The following CD274 variants were observed in gnomAD, a reference collection of about 807,000 sequenced individuals.
The protein encoded by CD274 is CD274 molecule.
Under a neutral mutation model 30.1 loss-of-function variants are expected in CD274, and 8 were observed. The observed-to-expected ratio is 0.27, with a 90% confidence interval of 0.16 to 0.48. The LOEUF (loss-of-function observed/expected upper bound fraction) is 0.48. CD274 is among the 20% of genes least tolerant of loss of function. The probability of loss-of-function intolerance (pLI) is 0.99; values close to 1 mark genes in which losing one functional copy is unlikely to be tolerated. For synonymous variants in CD274, 152 were observed against 124.6 expected, an observed-to-expected ratio of 1.22 and a Z score of -1.46; for missense variants, 353 against 346.6, an observed-to-expected ratio of 1.02 and a Z score of -0.15.
chr9:5,466,649 A>T (rs1819501755), intron 5 of CD274, 121 bp from the exon 6 acceptor site: 1 of 695,954 alleles, frequency 1.4e-6, no homozygotes. Flanking sequence ...TGGAATAAGG[A>T]TGTCCACCAG....
chr9:5,454,155 T>G (rs1181247471), intron 1 of CD274, among the ~76,000 whole-genome samples: 2 of 152,258 alleles, frequency 1.3e-5, no homozygotes, highest in Non-Finnish European at 1.5e-5. Flanking sequence ...TACGGTTTGG[T>G]AAGGTGAAGT....
intron 6 of CD274, among the ~76,000 whole-genome samples, chr9:5,467,220 G>GAA (rs984682166): frequency 7.2e-5 from 11 of 151,906 alleles, no homozygotes; most frequent in Admixed American, 5.9e-4. Context: ...GAGAGAGAGA[G>GAA]AGAGAGAAAT....
chr9:5,458,908 A>G (rs1009099130), intron 3 of CD274, among the ~76,000 whole-genome samples: 5 of 152,202 alleles, frequency 3.3e-5, no homozygotes, highest in Non-Finnish European at 5.9e-5. Context: ...ACTTAGCCTC[A>G]TCAACAGCAT....
At chr9:5,460,910 G>A (rs7028894) in intron 3 of CD274, among the ~76,000 whole-genome samples, 83,652 of 151,952 alleles carry the variant, frequency 0.55, 23,529 homozygotes, top group East Asian at 0.87. Context: ...AGAAACTGCC[G>A]TTTTTGAAGA....
In CD274 at chr9:5,468,027, A is replaced by T. The variant is rs1294320295; in HGVS notation, c.*165A>T. ...AAATGGAACCTGGCGAAAGCAGAGG[A>T]GGAGAATGAAGAAAGATGGAGTCAA... is the stretch of plus-strand genomic sequence containing the variant. On this transcript the variant is annotated 3_prime_UTR_variant, in exon 7 of 7. Coordinates refer to ENST00000381577, the MANE Select transcript of CD274 (RefSeq NM_014143.4). 4 of 642,824 alleles carry T rather than the reference A, an allele frequency of 6.2e-6. No individual in the cohort carries two copies. Among genetic ancestry groups the T allele is most frequent in the South Asian group, 5.6e-5 (3 of 53,960 alleles). The allele number at this position is 642,824 out of a possible 1,614,324, so 39.8% of individuals were successfully genotyped here. A position where few individuals can be genotyped will look rare whatever the true frequency, so the allele number is the denominator to read the frequency against.
At chr9:5,466,981 C>T (rs1329206050) in intron 6 of CD274, 152 bp downstream of exon 6, 11 of 594,236 alleles carry the variant, frequency 1.9e-5, no homozygotes, top group East Asian at 2.9e-5. Flanking sequence ...ACTCCTCCAC[C>T]GTCTGAGGAG....
chr9:5,463,501 G>A (rs1409687764), intron 4 of CD274, among the ~76,000 whole-genome samples: 2 of 152,174 alleles, frequency 1.3e-5, no homozygotes, highest in Non-Finnish European at 2.9e-5. Context: ...TACCTGAGAG[G>A]AATACTCAAT....
chr9:5,465,847 A>G (rs1327051802), intron 5 of CD274: 4 of 284,442 alleles, frequency 1.4e-5, no homozygotes, highest in South Asian at 1.1e-4. Context: ...GTTTTTTTCT[A>G]TCATGAAAAT....
chr9:5,467,668 C>T (rs190831517), intron 6 of CD274, among the ~76,000 whole-genome samples, 172 bp from the exon 7 acceptor site: 142 of 152,192 alleles, frequency 9.3e-4, no homozygotes, highest in African/African-American at 3.3e-3. Flanking sequence ...GAGGGGTTTT[C>T]CAGGATATCA....
chr9:5,453,050 A>G (rs1260189612), intron 1 of CD274, among the ~76,000 whole-genome samples: 2 of 151,992 alleles, frequency 1.3e-5, no homozygotes, highest in Non-Finnish European at 2.9e-5. Flanking sequence ...TTATAACTGT[A>G]CAGTTAACTC....
intron 1 of CD274, among the ~76,000 whole-genome samples, chr9:5,453,771 G>C (rs554122585): frequency 6.6e-5 from 10 of 152,348 alleles, no homozygotes; most frequent in African/African-American, 2.2e-4. Flanking sequence ...TGGTGACAAG[G>C]TTTCTCAGCA....
chr9:5,469,080 T>C lies in CD274; in HGVS notation c.*1218T>C, dbSNP rs1819544740. On this transcript the variant is annotated 3_prime_UTR_variant, in exon 7 of 7. Transcript: ENST00000381577. ...TTGCCAAGAGGAGGAAATAGGCCAA[T>C]GTGGTCTGGGACGGTTGGATATACT... is the stretch of plus-strand genomic sequence containing the variant. The C allele has an allele frequency of 4.3e-6, 1 of 232,966 alleles. No homozygotes were observed. The highest frequency in any genetic ancestry group is 6.0e-5 in the East Asian group (1 of 16,584). 14.4% of individuals were successfully genotyped at this position (232,966 alleles called of 1,614,324 possible).
intron 1 of CD274, among the ~76,000 whole-genome samples, chr9:5,453,389 C>T (rs1819242210): frequency 6.6e-6 from 1 of 152,214 alleles, no homozygotes; most frequent in Non-Finnish European, 1.5e-5. Context: ...CAATTATCAA[C>T]ATGTGTTGAG....
intron 3 of CD274, among the ~76,000 whole-genome samples, chr9:5,457,994 T>A (rs1819337875): frequency 2.0e-5 from 3 of 152,158 alleles, no homozygotes; most frequent in African/African-American, 7.2e-5. Context: ...AGACAAAAAA[T>A]AATCACATTA....
At chr9:5,450,729 GTC>G (rs1819187220) in intron 1 of CD274, 133 bp downstream of exon 1, 1 of 152,344 alleles carries the variant, frequency 6.6e-6, no homozygotes, top group Non-Finnish European at 1.5e-5. Flanking sequence ...GAACGCGATG[GTC>G]TAGGGGGCAG....
At chr9:5,460,844 C>T (rs556544745) in intron 3 of CD274, among the ~76,000 whole-genome samples, 2 of 152,228 alleles carry the variant, frequency 1.3e-5, no homozygotes, top group African/African-American at 2.4e-5. Context: ...TGTGCATGCA[C>T]ATTTGTGTGT....
intron 2 of CD274, 98 bp from the exon 3 acceptor site, chr9:5,456,981 T>C (rs530717052): frequency 2.6e-6 from 2 of 775,926 alleles, no homozygotes; most frequent in Non-Finnish European, 4.2e-6. Context: ...AATGATAACA[T>C]AACCGACCAG....
intron 1 of CD274, among the ~76,000 whole-genome samples, chr9:5,451,532 G>C (rs945694076): frequency 1.3e-5 from 2 of 152,200 alleles, no homozygotes; most frequent in Admixed American, 6.5e-5. Flanking sequence ...ATGCTTTCCA[G>C]AAAGGATGTA....
chr9:5,452,689 G>C (rs1253532228), intron 1 of CD274, among the ~76,000 whole-genome samples: 1 of 152,078 alleles, frequency 6.6e-6, no homozygotes, highest in Admixed American at 6.5e-5. Flanking sequence ...TGGAAGAGAG[G>C]GTTTGATAAG....
Sources: gnomAD v4.1 joint callset for allele counts (sites outside exome capture counted in the v4.1 genomes callset) on GRCh38, gnomAD v4.1.1 for gene constraint, MANE v1.5 for transcripts, NCBI Gene and HGNC (gene_info 2026-07-23, HGNC 2026-07-21) for gene names.